Variants in LINGO2 observed in about 807,000 individuals in gnomAD.
The protein encoded by LINGO2 is leucine rich repeat and Ig domain containing 2.
LINGO2 carries 14 observed loss-of-function variants against 30.6 expected under a neutral mutation model. The ratio of observed to expected loss-of-function variants is 0.46; its 90% CI spans 0.30 to 0.72. The LOEUF is 0.72. LINGO2 is among the 30% of genes least tolerant of loss of function. The pLI, the probability that LINGO2 is intolerant of heterozygous loss-of-function variation, is 0.07. For missense variants in LINGO2, 729 were observed against 751.7 expected, an observed-to-expected ratio of 0.97 and a Z score of 0.35; for synonymous variants, 317 against 288.5, an observed-to-expected ratio of 1.10 and a Z score of -1.00.
At chr9:28,901,731 C>A in the LINGO2 span, among the ~76,000 whole-genome samples, 1 of 150,456 alleles carries the variant, frequency 6.6e-6, no homozygotes, top group Non-Finnish European at 1.5e-5. Context: ...AGTAAAGAAT[C>A]AAAAAATACT....
chr9:29,161,526 A>G, the LINGO2 span, among the ~76,000 whole-genome samples: 1 of 152,232 alleles, frequency 6.6e-6, no homozygotes, highest in Non-Finnish European at 1.5e-5. Flanking sequence ...GTGTGTTGGA[A>G]TTCTTAGTGA....
At chr9:28,816,401 G>A in the LINGO2 span, among the ~76,000 whole-genome samples, 1 of 152,196 alleles carries the variant, frequency 6.6e-6, no homozygotes, top group Admixed American at 6.5e-5. Context: ...CAATAAAAGA[G>A]TAATTGCTAT....
At chr9:28,521,072 A>G (rs929232084) in intron 1 of LINGO2, among the ~76,000 whole-genome samples, 1 of 152,214 alleles carries the variant, frequency 6.6e-6, no homozygotes, top group African/African-American at 2.4e-5. Flanking sequence ...TGAGAGTTTT[A>G]GGCCCAGTAG....
intron 1 of LINGO2, among the ~76,000 whole-genome samples, chr9:28,636,314 T>C (rs1220275763): frequency 6.6e-6 from 1 of 152,162 alleles, no homozygotes; most frequent in Non-Finnish European, 1.5e-5. Flanking sequence ...AGCAGCATGT[T>C]TTATAATCCT....
chr9:28,164,332 T>C (rs1415079018), intron 4 of LINGO2, among the ~76,000 whole-genome samples: 3 of 152,228 alleles, frequency 2.0e-5, no homozygotes, highest in Non-Finnish European at 4.4e-5. Flanking sequence ...AACAACTATA[T>C]TAACAAAATA....
At chr9:28,670,539 T>C (rs2136042715), upstream of LINGO2, among the ~76,000 whole-genome samples, 2 of 152,266 alleles carry the variant, frequency 1.3e-5, no homozygotes, top group Middle Eastern at 3.4e-3. Context: ...TAGCATGTTA[T>C]TTTACTGAGA....
At chr9:29,161,370 T>G in the LINGO2 span, among the ~76,000 whole-genome samples, 1 of 152,198 alleles carries the variant, frequency 6.6e-6, no homozygotes, top group African/African-American at 2.4e-5. Flanking sequence ...CAGCTGAGGC[T>G]GGAACCTGAT....
At chr9:28,173,629 G>T (rs1383541410) in intron 4 of LINGO2, among the ~76,000 whole-genome samples, 1 of 152,192 alleles carries the variant, frequency 6.6e-6, no homozygotes, top group Non-Finnish European at 1.5e-5. Context: ...ATACTCTCTT[G>T]TAAGAGGCAT....
intron 4 of LINGO2, among the ~76,000 whole-genome samples, chr9:28,263,133 G>A (rs938789563): frequency 1.3e-5 from 2 of 151,904 alleles, no homozygotes; most frequent in Non-Finnish European, 2.9e-5. Context: ...GCCACTGTGA[G>A]GACCGAGACC....
chr9:28,125,232 T>C (rs550672446), intron 4 of LINGO2, among the ~76,000 whole-genome samples: 160 of 152,332 alleles, frequency 1.1e-3, no homozygotes, highest in African/African-American at 3.7e-3. Flanking sequence ...TAAATTTCTT[T>C]AGACCTTTCA....
At chr9:28,927,204 T>C in the LINGO2 span, among the ~76,000 whole-genome samples, 1 of 152,198 alleles carries the variant, frequency 6.6e-6, no homozygotes, top group Non-Finnish European at 1.5e-5. Flanking sequence ...TGAAAAATGA[T>C]TGAATGTAGC....
At chr9:29,135,489 T>C in the LINGO2 span, among the ~76,000 whole-genome samples, 2 of 148,332 alleles carry the variant, frequency 1.3e-5, no homozygotes, top group Non-Finnish European at 3.0e-5. Flanking sequence ...ACCCAGGAGA[T>C]GGAGCTTGCA....
At chr9:28,686,973 T>TA in the LINGO2 span, among the ~76,000 whole-genome samples, 3,608 of 152,136 alleles carry the variant, frequency 0.024, 139 homozygotes, top group African/African-American at 0.081. Flanking sequence ...GTATTTAACT[T>TA]AAAGGGGATG....
At chr9:28,172,641 C>T (rs1330610611) in intron 4 of LINGO2, among the ~76,000 whole-genome samples, 2 of 152,126 alleles carry the variant, frequency 1.3e-5, no homozygotes, top group Non-Finnish European at 2.9e-5. Context: ...GGGAAACCTT[C>T]AGGGAAAGAT....
chr9:28,085,235 T>C (rs773655872), intron 4 of LINGO2, among the ~76,000 whole-genome samples: 11 of 152,120 alleles, frequency 7.2e-5, no homozygotes, highest in African/African-American at 1.2e-4. Context: ...TTTGATTGCA[T>C]TGAGACATAA....
At chr9:29,059,194 T>A in the LINGO2 span, among the ~76,000 whole-genome samples, 1 of 151,766 alleles carries the variant, frequency 6.6e-6, no homozygotes, top group Non-Finnish European at 1.5e-5. Context: ...ATATTTGATA[T>A]CTCAATTTTC....
the LINGO2 span, among the ~76,000 whole-genome samples, chr9:28,872,869 A>C: frequency 4.6e-5 from 7 of 152,144 alleles, no homozygotes; most frequent in Non-Finnish European, 1.0e-4. Context: ...AATTACATTA[A>C]CTGGAAAAAT....
chr9:28,227,812 T>A (rs951596336), intron 4 of LINGO2, among the ~76,000 whole-genome samples: 1 of 151,958 alleles, frequency 6.6e-6, no homozygotes, highest in Non-Finnish European at 1.5e-5. Context: ...ATATGTCTGA[T>A]AGTCAAAGGA....
At chr9:29,171,702 C>T in the LINGO2 span, among the ~76,000 whole-genome samples, 5 of 151,602 alleles carry the variant, frequency 3.3e-5, no homozygotes, top group Admixed American at 6.6e-5. Flanking sequence ...TATCACTTGG[C>T]GGAAAAATAT....
Sources: allele counts gnomAD v4.1 joint callset (sites outside exome capture counted in the v4.1 genomes callset), GRCh38; gene constraint gnomAD v4.1.1; transcripts MANE v1.5; gene names NCBI Gene and HGNC (gene_info 2026-07-23, HGNC 2026-07-21).